Variants in PCDHGB5 observed in about 807,000 individuals in gnomAD.
The protein encoded by PCDHGB5 is protocadherin gamma subfamily B, 5.
A neutral mutation model predicts 62.9 loss-of-function variants in PCDHGB5; 48 were observed. The observed-to-expected ratio is 0.76, with a 90% CI of 0.61 to 0.97. The LOEUF (loss-of-function observed/expected upper bound fraction) is 0.97. Among genes scored for constraint, PCDHGB5 ranks in the 50% least tolerant of loss-of-function variants. The pLI is 0.00. For synonymous variants in PCDHGB5, 474 were observed against 511.2 expected, an observed-to-expected ratio of 0.93 and a Z score of 0.98; for missense variants, 1,118 against 1,198.6, an observed-to-expected ratio of 0.93 and a Z score of 0.99.
chr5:141,423,210 C>A (rs954945082), intron 1 of PCDHGB5: 2 of 1,613,578 alleles, frequency 1.2e-6, no homozygotes, highest in East Asian at 4.5e-5. Flanking sequence ...CCGTCACGCT[C>A]ACCGTGGCTG....
At position 141,511,373 on chromosome 5, in the gene PCDHGB5, G is replaced by C. The variant is rs1361376059; in HGVS notation, c.*200G>C. 16 of 1,251,214 alleles carry C rather than the reference G, an allele frequency of 1.3e-5. No homozygotes were observed. Among genetic ancestry groups the C allele is most frequent in the Non-Finnish European group, 1.4e-5 (13 of 925,282 alleles). The allele number at this position is 1,251,214 out of a possible 1,614,324, so 77.5% of individuals were successfully genotyped here. A position where few individuals can be genotyped will look rare whatever the true frequency, so the allele number is the denominator to read the frequency against. ...CCCCCAGGGGGTTGAATATGCAAAAGCAGTTCCGCTGGGAACCCCCATCCA... is the reference window on the plus strand; with the variant it reads ...CCCCCAGGGGGTTGAATATGCAAAACCAGTTCCGCTGGGAACCCCCATCCA... On this transcript the variant is annotated 3_prime_UTR_variant, in exon 4 of 4. Transcript: ENST00000617380.
chr5:141,478,623 GT>G (rs1337268572), intron 1 of PCDHGB5: 14 of 1,554,358 alleles, frequency 9.0e-6, no homozygotes, highest in African/African-American at 1.4e-5. Context: ...GAATGGAGCT[GT>G]TTTTTTAGTG....
In PCDHGB5 at chr5:141,502,866, C is replaced by CTTTTTTTTTTTT. The variant is rs549047197; in HGVS notation, c.2457-2524_2457-2513dup. 2.4e-4 allele frequency among the ~76,000 whole-genome samples: 31 copies of CTTTTTTTTTTTT among 128,008 alleles called. 3 individuals are homozygous for CTTTTTTTTTTTT. Among genetic ancestry groups the CTTTTTTTTTTTT allele is most frequent in the African/African-American group, 3.4e-4 (11 of 32,350 alleles). 84.0% of individuals were successfully genotyped at this position (128,008 alleles called of 152,430 possible). ...GAGCTGCCTAACCCTGACTCTCTGT[C>CTTTTTTTTTTTT]TTTTTTTTTTTTTTGACAGGGAGTC... is the stretch of plus-strand genomic sequence containing the variant. On this transcript the variant is annotated intron_variant, in intron 2 of 3. Transcript: ENST00000617380.
intron 1 of PCDHGB5, chr5:141,409,668 A>G: frequency 6.2e-7 from 1 of 1,613,398 alleles, no homozygotes; most frequent in Non-Finnish European, 8.5e-7. Context: ...CACATCTCCT[A>G]CTCTATAGTG....
At chr5:141,421,979 G>A in intron 1 of PCDHGB5, 1 of 1,609,702 alleles carries the variant, frequency 6.2e-7, no homozygotes, top group Non-Finnish European at 8.5e-7. Context: ...TATCGCGTGA[G>A]TGTTCCAGAA....
At position 141,511,520 on chromosome 5, in the gene PCDHGB5, A is replaced by C; in HGVS notation, c.*347A>C. On this transcript the variant is annotated 3_prime_UTR_variant, in exon 4 of 4. Coordinates refer to ENST00000617380, the MANE Select transcript of PCDHGB5 (RefSeq NM_018925.3). Reference sequence around the variant, plus strand: ...CAAATCAATCAGGCCCATCCATCCCATGCCTCCCTCCTCCCCACCCCACTC... The same window carrying C: ...CAAATCAATCAGGCCCATCCATCCCCTGCCTCCCTCCTCCCCACCCCACTC... The C allele has an allele frequency of 2.8e-6, 1 of 358,498 alleles. No homozygotes were observed. Among genetic ancestry groups the C allele is most frequent in the Non-Finnish European group, 5.3e-6 (1 of 189,848 alleles). 22.2% of individuals were successfully genotyped at this position (358,498 alleles called of 1,614,324 possible).
rs2099692814 is a variant in PCDHGB5 at position 141,489,840 on chromosome 5, G to A, written c.2398-4967G>A. 6.2e-7 allele frequency: 1 copy of A among 1,614,190 alleles called. No individual in the cohort carries two copies. The highest frequency in any genetic ancestry group is 8.5e-7 in the Non-Finnish European group (1 of 1,179,990). On this transcript the variant is annotated intron_variant, in intron 1 of 3. Coordinates refer to ENST00000617380, the MANE Select transcript of PCDHGB5 (RefSeq NM_018925.3). The surrounding 1 kb of genome is among the most constrained non-coding windows in gnomAD (Gnocchi z 4.5). ...CAGAGCTGGTGCTAGAGCAGCAGCT[G>A]GATCGTGAAGCCCAGGCAAGACATC... is the stretch of plus-strand genomic sequence containing the variant.
At chr5:141,494,755 C>T (rs1246224213) in intron 1 of PCDHGB5, 52 bp from the exon 2 acceptor site, 18 of 1,613,724 alleles carry the variant, frequency 1.1e-5, no homozygotes, top group African/African-American at 1.3e-5. Context: ...GCTCGGGTGA[C>T]ATTCTAACTT....
intron 2 of PCDHGB5, among the ~76,000 whole-genome samples, chr5:141,502,496 C>T (rs934563545): frequency 2.0e-5 from 3 of 152,178 alleles, no homozygotes; most frequent in Admixed American, 6.5e-5. Context: ...ACTCATCTAA[C>T]GTCGGCCTGT....
chr5:141,405,201 T>C, intron 1 of PCDHGB5: 1 of 1,614,050 alleles, frequency 6.2e-7, no homozygotes, highest in Non-Finnish European at 8.5e-7. Context: ...CGAGCTTTCC[T>C]ACAGACCTAT....
chr5:141,487,822 G>C lies in PCDHGB5; in HGVS notation c.2398-6985G>C. On this transcript the variant is annotated intron_variant, in intron 1 of 3. Coordinates refer to ENST00000617380, the MANE Select transcript of PCDHGB5 (RefSeq NM_018925.3). The surrounding 1 kb of genome is among the most constrained non-coding windows in gnomAD (Gnocchi z 5.0). ...TGTCACAGTTTAGCATTGGGGGCGGGTCATGCCTATATCTGAGTAAGAAAT... is the reference window on the plus strand; with the variant it reads ...TGTCACAGTTTAGCATTGGGGGCGGCTCATGCCTATATCTGAGTAAGAAAT... 1 of 1,278,758 alleles carries C rather than the reference G, an allele frequency of 7.8e-7. No individual in the cohort carries two copies. The highest frequency in any genetic ancestry group is 1.4e-5 in the South Asian group (1 of 69,172). The allele number at this position is 1,278,758 out of a possible 1,614,324, so 79.2% of individuals were successfully genotyped here. A position where few individuals can be genotyped will look rare whatever the true frequency, so the allele number is the denominator to read the frequency against.
At chr5:141,465,889 G>A (rs956310325) in intron 1 of PCDHGB5, among the ~76,000 whole-genome samples, 4 of 152,056 alleles carry the variant, frequency 2.6e-5, no homozygotes, top group Admixed American at 6.5e-5. Context: ...TTGGGAGGCC[G>A]AGGCGGGCAA....
Position 141,400,270 on chromosome 5 carries a change from T to G in PCDHGB5, c.2143T>G (p.Ser715Ala). 6.2e-7 allele frequency: 1 copy of G among 1,614,058 alleles called. No individual in the cohort carries two copies. Among genetic ancestry groups the G allele is most frequent in the Non-Finnish European group, 8.5e-7 (1 of 1,179,900 alleles). Residue 715 changes from serine (S) to alanine (A), a missense_variant, in exon 1 of 4, where the codon TCC (serine) becomes GCC (alanine). Physicochemically the swap from Ser to Ala is moderately conservative, Grantham distance 99. Around this residue, in one of 2 missense-constraint regions of PCDHGB5, gnomAD observed 1,034 missense variants for 1,029.1 expected, o/e 1.00. Transcript: ENST00000617380. ...LAVALRLRRS[S>A]SPAAWSCFQP... ...CGTTGCCTTGCGCCTGCGACGCTCC[T>G]CCAGCCCTGCCGCCTGGAGCTGCTT... is the stretch of plus-strand genomic sequence containing the variant.
chr5:141,446,075 A>G (rs907731619), intron 1 of PCDHGB5, among the ~76,000 whole-genome samples: 1 of 152,216 alleles, frequency 6.6e-6, no homozygotes, highest in Admixed American at 6.5e-5. Context: ...GAGGCAGTGG[A>G]TGTAGAAATA....
rs1009141449 is a variant in PCDHGB5, at chr5:141,491,922, G to A, written c.2398-2885G>A. 2 of 1,349,026 alleles carry A rather than the reference G, an allele frequency of 1.5e-6. No individual in the cohort carries two copies. Among genetic ancestry groups the A allele is most frequent in the African/African-American group, 1.5e-5 (1 of 67,598 alleles). The allele number at this position is 1,349,026 out of a possible 1,614,324, so 83.6% of individuals were successfully genotyped here. On this transcript the variant is annotated intron_variant, in intron 1 of 3. Coordinates refer to ENST00000617380, the MANE Select transcript of PCDHGB5 (RefSeq NM_018925.3). The surrounding 1 kb of genome is among the most constrained non-coding windows in gnomAD (Gnocchi z 6.9). ...CGGGGGTGGTGGCGACTGTGGGCGAGGGGAGGTGGGACCGACCCCCACCCC... is the reference window on the plus strand; with the variant it reads ...CGGGGGTGGTGGCGACTGTGGGCGAAGGGAGGTGGGACCGACCCCCACCCC...
chr5:141,460,686 C>A (rs2098995566), intron 1 of PCDHGB5, among the ~76,000 whole-genome samples: 1 of 151,698 alleles, frequency 6.6e-6, no homozygotes, highest in Admixed American at 6.6e-5. Context: ...TCTATATATC[C>A]ACCAACAGTT....
At chr5:141,413,406 G>A (rs2095636376) in intron 1 of PCDHGB5, 1 of 1,613,950 alleles carries the variant, frequency 6.2e-7, no homozygotes, top group Non-Finnish European at 8.5e-7. Context: ...GTAGGACGCA[G>A]CTTTTCTCTC....
In PCDHGB5 at chr5:141,511,774, T is replaced by C. The variant is rs1173144009; in HGVS notation, c.*601T>C. 6.2e-6 allele frequency: 1 copy of C among 160,350 alleles called. No homozygotes were observed. The highest frequency in any genetic ancestry group is 1.4e-5 in the Non-Finnish European group (1 of 72,132). The allele number at this position is 160,350 out of a possible 1,614,324, so 9.9% of individuals were successfully genotyped here. A position where few individuals can be genotyped will look rare whatever the true frequency, so the allele number is the denominator to read the frequency against. On this transcript the variant is annotated 3_prime_UTR_variant, in exon 4 of 4. Coordinates refer to ENST00000617380, the MANE Select transcript of PCDHGB5 (RefSeq NM_018925.3). ...ATGATCACCATCCCCATGGTACTGA[T>C]GCTTGCTGGATTTAGGGAGGGCATT...
rs370503146 is a variant in PCDHGB5 at position 141,511,012 on chromosome 5, G to A, written c.2611G>A (p.Gly871Arg). 11 of 1,614,060 alleles carry A rather than the reference G, an allele frequency of 6.8e-6. No individual in the cohort carries two copies. Among genetic ancestry groups the A allele is most frequent in the Middle Eastern group, 1.6e-4 (1 of 6,084 alleles). ...AGTMGLSARYGPQFTLQHVPD... is the reference protein window; with the variant it reads ...AGTMGLSARYRPQFTLQHVPD... The stretch of plus-strand genomic sequence containing the variant: ...CACCATGGGATTGAGCGCCCGCTAC[G>A]GACCCCAGTTCACCCTGCAGCACGT... The change falls in exon 4 of 4, where the codon GGA (glycine) becomes AGA (arginine). Residue 871 changes from glycine (G) to arginine (R), a missense_variant. Transcript: ENST00000617380.
Sources: allele counts gnomAD v4.1 joint callset (sites outside exome capture counted in the v4.1 genomes callset), GRCh38; gene constraint gnomAD v4.1.1; regional missense constraint gnomAD v4.1.1; non-coding constraint Gnocchi (gnomAD v3.1); transcripts MANE v1.5; gene names NCBI Gene and HGNC (gene_info 2026-07-23, HGNC 2026-07-21).